The following CEMIP2 variants were observed in gnomAD, a reference collection of about 807,000 sequenced individuals.
CEMIP2 encodes cell surface hyaluronidase CEMIP2.
In CEMIP2, 79 loss-of-function variants were observed where a neutral mutation model predicts 146.9. The ratio of observed to expected loss-of-function variants is 0.54; its 90% CI spans 0.45 to 0.65. CEMIP2 has a LOEUF of 0.65. CEMIP2 is among the 30% of genes least tolerant of loss of function. The probability of loss-of-function intolerance (pLI) is 0.00; values close to 1 mark genes in which losing one functional copy is unlikely to be tolerated. For missense variants in CEMIP2, 1,596 were observed against 1,696.2 expected, an observed-to-expected ratio of 0.94 and a Z score of 1.04; for synonymous variants, 601 against 606.3, an observed-to-expected ratio of 0.99 and a Z score of 0.13.
rs181498650 is a variant in CEMIP2 at position 71,699,750 on chromosome 9, A to G, written c.3377+892T>C. On this transcript the variant is annotated intron_variant, in intron 19 of 23. Coordinates refer to ENST00000377044, the MANE Select transcript of CEMIP2 (RefSeq NM_013390.3). Reference sequence around the variant, plus strand: ...GCACACTGTCTCTTCTGTGTAAGACATCTCACCCACTTCTTTTTCCATCTC... The same window carrying G: ...GCACACTGTCTCTTCTGTGTAAGACGTCTCACCCACTTCTTTTTCCATCTC... Among the ~76,000 whole-genome samples, 29 of 152,236 alleles carry G rather than the reference A, an allele frequency of 1.9e-4. No homozygotes were observed. The East Asian group carries it at 5.2e-3, about 27-fold the overall frequency.
chr9:71,721,175 A>T (rs1823220947), intron 12 of CEMIP2, among the ~76,000 whole-genome samples: 1 of 152,128 alleles, frequency 6.6e-6, no homozygotes, highest in African/African-American at 2.4e-5. Flanking sequence ...AGCAAAGAAC[A>T]CATTACTTTC....
intron 17 of CEMIP2, among the ~76,000 whole-genome samples, chr9:71,706,945 A>G (rs1822759471): frequency 2.0e-5 from 3 of 152,130 alleles, no homozygotes; most frequent in Admixed American, 2.0e-4. Flanking sequence ...CTCCTGCCTC[A>G]GTCCCCTCGA....
At position 71,745,414 on chromosome 9, in the gene CEMIP2, C is replaced by G. The variant is rs753999032; in HGVS notation, c.638G>C (p.Ser213Thr). Residue 213 changes from serine (S) to threonine (T), a missense_variant, in exon 4 of 24, where the codon AGT becomes ACT. Coordinates refer to ENST00000377044, the MANE Select transcript of CEMIP2 (RefSeq NM_013390.3). ...AAACTTTTTGCCAAATGTTGGCATA[C>G]TTTCACCTTCATCTGACTTGCCATA... ...TLYGKSDEGE[S>T]MPTFGKKFIG... is the part of the protein sequence containing the mutation. 7 of 1,614,028 alleles carry G rather than the reference C, an allele frequency of 4.3e-6. No homozygotes were observed. The South Asian group carries it at 7.7e-5, about 18-fold the overall frequency.
At chr9:71,741,644 T>TG (rs1309178544) in intron 4 of CEMIP2, among the ~76,000 whole-genome samples, 14 of 133,068 alleles carry the variant, frequency 1.1e-4, no homozygotes, top group Non-Finnish European at 2.0e-4. Flanking sequence ...TTTTTTTTTT[T>TG]TTTTTTTTTT....
At chr9:71,712,870 G>A (rs1822948853) in intron 15 of CEMIP2, among the ~76,000 whole-genome samples, 1 of 152,070 alleles carries the variant, frequency 6.6e-6, no homozygotes, top group Non-Finnish European at 1.5e-5. Context: ...ATCAATAACT[G>A]TAATTAATGT....
intron 1 of CEMIP2, among the ~76,000 whole-genome samples, chr9:71,755,521 T>C (rs62544878): frequency 0.069 from 10,506 of 151,812 alleles, 519 homozygotes; most frequent in South Asian, 0.19. Flanking sequence ...GCAGCCCAGC[T>C]TGGGTGACAG....
At chr9:71,711,399 A>AC (rs1158885255) in intron 16 of CEMIP2, among the ~76,000 whole-genome samples, 1 of 151,450 alleles carries the variant, frequency 6.6e-6, no homozygotes, top group Non-Finnish European at 1.5e-5. Context: ...CTCTATTAAA[A>AC]AAAAAAAAAA....
At chr9:71,692,393 C>CTCTCTA (rs1822259968) in intron 21 of CEMIP2, among the ~76,000 whole-genome samples, 1 of 142,142 alleles carries the variant, frequency 7.0e-6, no homozygotes. Flanking sequence ...CTCTCTCTCT[C>CTCTCTA]TATTACCTAG....
rs1824062935 is a variant in CEMIP2 at position 71,745,545 on chromosome 9, G to A, written c.507C>T (p.Ser169=). ...LLVFGDNKDG[S]RNITLRTHYI... ...AATGAGTCCTCAAAGTAATATTTCT[G>A]GATCCATCTTTATTGTCCCCAAATA... The change falls in exon 4 of 24, where the codon TCC becomes TCT. Residue 169 remains serine (S), a synonymous_variant. Coordinates refer to ENST00000377044, the MANE Select transcript of CEMIP2 (RefSeq NM_013390.3). The A allele has an allele frequency of 6.2e-7, 1 of 1,611,308 alleles. No homozygotes were observed. Among genetic ancestry groups the A allele is most frequent in the Non-Finnish European group, 8.5e-7 (1 of 1,179,436 alleles).
chr9:71,688,037 C>T (rs944038), intron 22 of CEMIP2, among the ~76,000 whole-genome samples: 123,922 of 152,076 alleles, frequency 0.81, 50,945 homozygotes, highest in East Asian at 0.99. Context: ...TTAAATTTTT[C>T]ATAGAGACAG....
In CEMIP2 at chr9:71,734,863, C is replaced by T. The variant is rs753056340; in HGVS notation, c.1336G>A (p.Glu446Lys). Residue 446 changes from glutamate (E) to lysine (K), a missense_variant, in exon 6 of 24, where the codon GAG (glutamate) becomes AAG (lysine). Coordinates refer to ENST00000377044, the MANE Select transcript of CEMIP2 (RefSeq NM_013390.3). ...ASTDYSMYQAEEFTLLPCSEC... is the reference protein window; with the variant it reads ...ASTDYSMYQAKEFTLLPCSEC... ...GAACAGGGAAGAAGAGTGAACTCCT[C>T]TGCTTGGTACATGGAATAGTCTGTG... 1 of 1,614,062 alleles carries T rather than the reference C, an allele frequency of 6.2e-7. No homozygotes were observed.
At chr9:71,690,360 T>C (rs1024740395) in intron 21 of CEMIP2, 114 bp from the exon 22 acceptor site, 8 of 1,300,706 alleles carry the variant, frequency 6.2e-6, no homozygotes, top group Non-Finnish European at 8.4e-6. Context: ...CAAAGTATAT[T>C]TCCAAGATTC....
chr9:71,699,648 C>T (rs999387148), intron 19 of CEMIP2, among the ~76,000 whole-genome samples: 9 of 152,248 alleles, frequency 5.9e-5, no homozygotes, highest in African/African-American at 1.9e-4. Context: ...AATCTCGCCA[C>T]CCTTCTCCCC....
At chr9:71,715,908 G>A (rs893716382) in intron 14 of CEMIP2, among the ~76,000 whole-genome samples, 1 of 151,754 alleles carries the variant, frequency 6.6e-6, no homozygotes, top group Non-Finnish European at 1.5e-5. Context: ...TTACAGGTGT[G>A]AGCCGGTATG....
chr9:71,760,560 A>G lies in CEMIP2; in HGVS notation c.-13+7797T>C, dbSNP rs558016935. Among the ~76,000 whole-genome samples, 133 of 151,400 alleles carry G rather than the reference A, an allele frequency of 8.8e-4. 2 individuals are homozygous for G. The highest frequency in any genetic ancestry group is 1.4e-3 in the Non-Finnish European group (93 of 67,676). ...TTTTCCAACGATGTTAAACAAGTCT[A>G]TGAGAAGTAATGCTTGACCCTAAAG... On this transcript the variant is annotated intron_variant, in intron 1 of 23. Coordinates refer to ENST00000377044, the MANE Select transcript of CEMIP2 (RefSeq NM_013390.3).
intron 1 of CEMIP2, among the ~76,000 whole-genome samples, chr9:71,766,776 T>C (rs1281870805): frequency 6.6e-6 from 1 of 152,190 alleles, no homozygotes; most frequent in Non-Finnish European, 1.5e-5. Context: ...TAAGAACAGG[T>C]GATGACTCAG....
chr9:71,747,766 T>C (rs2132013745), intron 2 of CEMIP2, among the ~76,000 whole-genome samples: 1 of 152,288 alleles, frequency 6.6e-6, no homozygotes, highest in African/African-American at 2.4e-5. Context: ...TGCAAACATC[T>C]TCCTGTTTCT....
intron 16 of CEMIP2, among the ~76,000 whole-genome samples, chr9:71,711,743 T>A (rs1369637806): frequency 6.6e-6 from 1 of 152,202 alleles, no homozygotes; most frequent in Non-Finnish European, 1.5e-5. Flanking sequence ...AATCTCTTAG[T>A]GGAAATGGGC....
intron 22 of CEMIP2, among the ~76,000 whole-genome samples, chr9:71,688,260 T>G (rs1185897751): frequency 2.0e-5 from 3 of 152,112 alleles, no homozygotes; most frequent in Admixed American, 2.0e-4. Context: ...ATTGATTTAT[T>G]TTCAGAGTCA....
Sources: gnomAD v4.1 joint callset for allele counts (sites outside exome capture counted in the v4.1 genomes callset) on GRCh38, gnomAD v4.1.1 for gene constraint, MANE v1.5 for transcripts, NCBI Gene and HGNC (gene_info 2026-07-23, HGNC 2026-07-21) for gene names.